PTPRN2: variants seen among roughly 807,000 people sequenced by gnomAD.
The protein encoded by PTPRN2 is protein tyrosine phosphatase receptor type N2.
A neutral mutation model predicts 118.8 loss-of-function variants in PTPRN2; 74 were observed. The ratio of observed to expected loss-of-function variants is 0.62; its 90% CI spans 0.52 to 0.76. PTPRN2 has a LOEUF of 0.76. Ranked by LOEUF, PTPRN2 falls within the 30% of genes least tolerant of loss-of-function variation. The probability of loss-of-function intolerance (pLI) is 0.00; values close to 1 mark genes in which losing one functional copy is unlikely to be tolerated. For synonymous variants in PTPRN2, 641 were observed against 608.0 expected (o/e 1.05, Z -0.80); for missense variants, 1,481 against 1,394.4 (o/e 1.06, Z -0.99).
At chr7:158,185,900 CTTAGAAAGATT>C in intron 5 of PTPRN2, among the ~76,000 whole-genome samples, 1 of 152,182 alleles carries the variant, frequency 6.6e-6, no homozygotes, top group South Asian at 2.1e-4. Context: ...TTTCTGCACC[CTTAGAAAGATT>C]CAACAGATCT....
chr7:157,892,682 T>C (rs1156732942), intron 12 of PTPRN2, among the ~76,000 whole-genome samples: 2 of 152,188 alleles, frequency 1.3e-5, no homozygotes, highest in East Asian at 3.8e-4. Flanking sequence ...TCAGGCTTAA[T>C]ACTGAATAAG....
Position 158,295,433 on chromosome 7 carries a change from G to A in PTPRN2, c.277+21386C>T, listed in dbSNP as rs577346410. Among the ~76,000 whole-genome samples the A allele has an allele frequency of 3.2e-3, 99 of 30,564 alleles. 10 individuals carry two copies. The highest frequency in any genetic ancestry group is 0.013 in the African/African-American group (98 of 7,450). The allele number at this position is 30,564 out of a possible 152,430, so 20.1% of individuals were successfully genotyped here. On this transcript the variant is annotated intron_variant, in intron 3 of 22. Coordinates refer to ENST00000389418, the MANE Select transcript of PTPRN2 (RefSeq NM_002847.5). ...CCAGACACTGCACCACTCTCCATGC[G>A]CGTGGTTCACCCACCTTTCCGAGGG...
At chr7:158,487,994 T>G (rs902003609) in intron 2 of PTPRN2, among the ~76,000 whole-genome samples, 1 of 151,902 alleles carries the variant, frequency 6.6e-6, no homozygotes, top group Non-Finnish European at 1.5e-5. Context: ...GACGACTCTA[T>G]GTCTGGGAGG....
rs527775400 is a variant in PTPRN2, at chr7:158,526,029, C to T, written c.113-36244G>A. On this transcript the variant is annotated intron_variant, in intron 1 of 22. Coordinates refer to ENST00000389418, the MANE Select transcript of PTPRN2 (RefSeq NM_002847.5). The surrounding 1 kb of genome is among the most constrained non-coding windows in gnomAD (Gnocchi z 5.2). ...CCTGCAGCCCAGCCCCTACTCTCCC[C>T]TCTGGCTGGCATTGTGCAGTCCTTC... Among the ~76,000 whole-genome samples the T allele has an allele frequency of 2.6e-5, 4 of 152,356 alleles. No individual in the cohort carries two copies. The East Asian group carries it at 7.7e-4, about 29-fold the overall frequency.
rs987860449 is a variant in PTPRN2, at chr7:157,612,163, G to A, written c.2345-8088C>T. Among the ~76,000 whole-genome samples, 5 of 152,234 alleles carry A rather than the reference G, an allele frequency of 3.3e-5. 2 individuals are homozygous for A. In the South Asian group the frequency reaches 8.3e-4, roughly 25 times the overall value. On this transcript the variant is annotated intron_variant, in intron 15 of 22. Transcript: ENST00000389418. ...CTGGTGCCTGCACGGAGAAAGCGCC[G>A]CCTGGAGCCAGCCTGCAGTTGTGGA...
In PTPRN2 at chr7:157,845,678, G is replaced by A. The variant is rs754239363; in HGVS notation, c.1788+52995C>T. On this transcript the variant is annotated intron_variant, in intron 12 of 22. Transcript: ENST00000389418. The surrounding 1 kb of genome is among the most constrained non-coding windows in gnomAD (Gnocchi z 4.5). ...GGCACAGAACCTCCCCGCGGGGCAG[G>A]TGGGTGCACAGGAAAGAAACCAACA... 5.9e-5 allele frequency among the ~76,000 whole-genome samples: 9 copies of A among 152,228 alleles called. No homozygotes were observed. The highest frequency in any genetic ancestry group is 1.0e-4 in the Non-Finnish European group (7 of 68,050).
chr7:157,669,774 C>T (rs1051975524), intron 13 of PTPRN2, among the ~76,000 whole-genome samples: 3 of 152,294 alleles, frequency 2.0e-5, no homozygotes, highest in Middle Eastern at 6.8e-3. Context: ...AGGAAAAAAG[C>T]GGCCTCTCCG....
intron 2 of PTPRN2, among the ~76,000 whole-genome samples, chr7:158,377,810 C>T (rs1347580054): frequency 1.3e-5 from 2 of 152,216 alleles, no homozygotes; most frequent in Non-Finnish European, 1.5e-5. Context: ...GCTGCTGGTA[C>T]GGCCCTGCAC....
intron 12 of PTPRN2, among the ~76,000 whole-genome samples, chr7:157,887,237 A>G (rs1383786921): frequency 1.3e-5 from 2 of 152,068 alleles, no homozygotes; most frequent in East Asian, 1.9e-4. Flanking sequence ...TTTTAATGCA[A>G]TTTCATGCAG....
chr7:157,611,645 C>T lies in PTPRN2; in HGVS notation c.2345-7570G>A, dbSNP rs1446073850. On this transcript the variant is annotated intron_variant, in intron 15 of 22. Coordinates refer to ENST00000389418, the MANE Select transcript of PTPRN2 (RefSeq NM_002847.5). The surrounding 1 kb of genome is among the most constrained non-coding windows in gnomAD (Gnocchi z 5.9). ...GGCGGCCCTAATGCAATATGACTGG[C>T]GTGCTGTTAGGAAGAAGGACTCTGC... Among the ~76,000 whole-genome samples the T allele has an allele frequency of 3.9e-5, 6 of 152,078 alleles. No individual in the cohort carries two copies. The highest frequency in any genetic ancestry group is 2.4e-5 in the African/African-American group (1 of 41,406).
intron 3 of PTPRN2, among the ~76,000 whole-genome samples, chr7:158,218,560 T>G (rs1828123826): frequency 6.6e-6 from 1 of 152,104 alleles, no homozygotes; most frequent in African/African-American, 2.4e-5. Context: ...ACAACACAAA[T>G]GACAGGATTA....
chr7:157,599,844 C>T (rs1003209750), intron 16 of PTPRN2, among the ~76,000 whole-genome samples: 37 of 144,596 alleles, frequency 2.6e-4, no homozygotes, highest in Non-Finnish European at 3.5e-4. Flanking sequence ...TACCTGCCCA[C>T]CTCTCCACCT....
intron 1 of PTPRN2, among the ~76,000 whole-genome samples, chr7:158,523,591 A>C (rs112069856): frequency 9.9e-5 from 3 of 30,400 alleles, no homozygotes; most frequent in African/African-American, 3.4e-4. Flanking sequence ...GAGTGGAGTC[A>C]TCTGCCCTGG....
intron 1 of PTPRN2, among the ~76,000 whole-genome samples, chr7:158,564,285 G>A (rs11514653): frequency 6.6e-6 from 1 of 152,238 alleles, no homozygotes; most frequent in Admixed American, 6.5e-5. Flanking sequence ...CAATGAACAC[G>A]CTTATGCAAA....
intron 2 of PTPRN2, among the ~76,000 whole-genome samples, chr7:158,434,645 A>G (rs1166382109): frequency 6.6e-6 from 1 of 152,154 alleles, no homozygotes; most frequent in East Asian, 1.9e-4. Context: ...ATTTACAATG[A>G]AATTACTAAT....
At chr7:157,911,345 C>T (rs1798097594) in intron 11 of PTPRN2, among the ~76,000 whole-genome samples, 1 of 152,158 alleles carries the variant, frequency 6.6e-6, no homozygotes, top group South Asian at 2.1e-4. Flanking sequence ...CAGCCAGGGT[C>T]CCATCCTGCT....
intron 9 of PTPRN2, among the ~76,000 whole-genome samples, chr7:158,111,167 A>G (rs1300784062): frequency 4.6e-5 from 7 of 152,202 alleles, no homozygotes; most frequent in African/African-American, 9.7e-5. Flanking sequence ...CTCAGCCTTC[A>G]GTGAAAATAC....
chr7:157,992,930 G>A lies in PTPRN2; in HGVS notation c.1723+88368C>T, dbSNP rs571582450. Among the ~76,000 whole-genome samples, 63 of 152,348 alleles carry A rather than the reference G, an allele frequency of 4.1e-4. 1 individual carries two copies. Among genetic ancestry groups the A allele is most frequent in the Middle Eastern group, 3.4e-3 (1 of 294 alleles). ...GACACACAGACGCCAGGAGACAGACGCGTGGCGGCCGGGTCACTCCCAGTG... is the reference window on the plus strand; with the variant it reads ...GACACACAGACGCCAGGAGACAGACACGTGGCGGCCGGGTCACTCCCAGTG... On this transcript the variant is annotated intron_variant, in intron 11 of 22. Coordinates refer to ENST00000389418, the MANE Select transcript of PTPRN2 (RefSeq NM_002847.5).
chr7:158,386,433 T>G (rs965588588), intron 2 of PTPRN2, among the ~76,000 whole-genome samples: 4 of 151,426 alleles, frequency 2.6e-5, no homozygotes, highest in Non-Finnish European at 4.4e-5. Flanking sequence ...ATGCCCCGAG[T>G]CCCTCCTCCC....
Sources: allele counts gnomAD v4.1 joint callset (sites outside exome capture counted in the v4.1 genomes callset), GRCh38; gene constraint gnomAD v4.1.1; non-coding constraint Gnocchi (gnomAD v3.1); transcripts MANE v1.5; gene names NCBI Gene and HGNC (gene_info 2026-07-23, HGNC 2026-07-21).